FLVCR2: variants seen among roughly 807,000 people sequenced by gnomAD.
The protein encoded by FLVCR2 is choline/ethanolamine transporter FLVCR2.
A neutral mutation model predicts 48.9 loss-of-function variants in FLVCR2; 38 were observed. The ratio of observed to expected loss-of-function variants is 0.78; its 90% CI spans 0.60 to 1.02. The LOEUF (loss-of-function observed/expected upper bound fraction) is 1.02. Ranked by LOEUF, FLVCR2 falls within the 50% of genes least tolerant of loss-of-function variation. FLVCR2 has a pLI of 0.00. For synonymous variants in FLVCR2, 255 were observed against 257.0 expected (o/e 0.99, Z 0.07); for missense variants, 664 against 663.3 (o/e 1.00, Z -0.01).
chr14:75,590,180 A>G (rs971577733), intron 1 of FLVCR2, among the ~76,000 whole-genome samples: 4 of 151,912 alleles, frequency 2.6e-5, no homozygotes, highest in Non-Finnish European at 5.9e-5. Flanking sequence ...ATAACAACCC[A>G]CTCTCTTAGG....
At chr14:75,586,315 G>A (rs541109128) in intron 1 of FLVCR2, among the ~76,000 whole-genome samples, 3 of 152,340 alleles carry the variant, frequency 2.0e-5, no homozygotes, top group Non-Finnish European at 2.9e-5. Context: ...CTTCTTAAGG[G>A]TGGGGGAGAT....
intron 1 of FLVCR2, among the ~76,000 whole-genome samples, chr14:75,618,077 T>C (rs1048653460): frequency 2.0e-5 from 3 of 152,158 alleles, no homozygotes; most frequent in African/African-American, 7.2e-5. Flanking sequence ...TGCAGAACCT[T>C]GTGGGCTGTG....
In FLVCR2 at chr14:75,641,062, T is replaced by A; in HGVS notation, c.1341+2T>A. The A allele has an allele frequency of 6.2e-7, 1 of 1,608,192 alleles. No individual in the cohort carries two copies. Among genetic ancestry groups the A allele is most frequent in the Non-Finnish European group, 8.5e-7 (1 of 1,174,540 alleles). ...GGCCTCCTCAACATATCTGCACAGG[T>A]AGAGCTCGTATTTCCTGTTTGTTTC... On this transcript the variant is annotated splice_donor_variant, in intron 7 of 9. Coordinates refer to ENST00000238667, the MANE Select transcript of FLVCR2 (RefSeq NM_017791.3). LOFTEE classifies it high-confidence loss of function.
intron 1 of FLVCR2, among the ~76,000 whole-genome samples, chr14:75,582,587 T>A (rs1158440594): frequency 6.6e-6 from 1 of 152,142 alleles, no homozygotes; most frequent in Non-Finnish European, 1.5e-5. Flanking sequence ...GTCAAGTTGT[T>A]TGGACAGAAA....
chr14:75,639,956 G>A (rs1456963649), intron 6 of FLVCR2, among the ~76,000 whole-genome samples: 1 of 152,180 alleles, frequency 6.6e-6, no homozygotes, highest in Non-Finnish European at 1.5e-5. Flanking sequence ...GAAGCATTGT[G>A]AAAATGTAAG....
chr14:75,599,661 AAAG>A (rs1272732592), intron 1 of FLVCR2, among the ~76,000 whole-genome samples: 5 of 152,254 alleles, frequency 3.3e-5, no homozygotes, highest in African/African-American at 9.6e-5. Context: ...CAATCTCAAA[AAAG>A]AAGAACAGCA....
At chr14:75,620,199 T>C (rs1889728774) in intron 1 of FLVCR2, among the ~76,000 whole-genome samples, 1 of 152,142 alleles carries the variant, frequency 6.6e-6, no homozygotes, top group African/African-American at 2.4e-5. Flanking sequence ...TACCTTCAAT[T>C]AAAGTCTTGA....
chr14:75,616,153 C>A lies in FLVCR2; in HGVS notation c.670-5926C>A, dbSNP rs796537845. On this transcript the variant is annotated intron_variant, in intron 1 of 9. Transcript: ENST00000238667. ...CAGCCTAGGCAACATAGTGAGAGAC[C>A]CCAATTCCACAAAAAATTAAAAAAT... is the stretch of plus-strand genomic sequence containing the variant. Among the ~76,000 whole-genome samples, 10 of 151,284 alleles carry A rather than the reference C, an allele frequency of 6.6e-5. 1 individual carries two copies. Among genetic ancestry groups the A allele is most frequent in the African/African-American group, 2.2e-4 (9 of 41,264 alleles).
intron 1 of FLVCR2, among the ~76,000 whole-genome samples, chr14:75,598,291 C>A (rs1380777221): frequency 2.0e-5 from 3 of 152,150 alleles, no homozygotes; most frequent in Non-Finnish European, 4.4e-5. Context: ...GTCCTGAAAA[C>A]CTTAGGGTTG....
intron 1 of FLVCR2, among the ~76,000 whole-genome samples, chr14:75,607,783 A>T (rs547522698): frequency 1.3e-5 from 2 of 152,242 alleles, no homozygotes; most frequent in East Asian, 3.9e-4. Context: ...AACTCAAAAA[A>T]AAAGGGGGGC....
chr14:75,626,916 A>C (rs562193042), intron 3 of FLVCR2, among the ~76,000 whole-genome samples: 13 of 151,956 alleles, frequency 8.6e-5, no homozygotes, highest in Non-Finnish European at 1.5e-4. Context: ...GTGCTTCATA[A>C]ATATTTTCTA....
At chr14:75,609,526 G>C (rs1185211176) in intron 1 of FLVCR2, among the ~76,000 whole-genome samples, 2 of 152,128 alleles carry the variant, frequency 1.3e-5, no homozygotes, top group South Asian at 2.1e-4. Context: ...GGATCCTGAG[G>C]CAAGCTTAGT....
At chr14:75,599,090 C>T (rs28620825) in intron 1 of FLVCR2, among the ~76,000 whole-genome samples, 2,505 of 152,276 alleles carry the variant, frequency 0.016, 78 homozygotes, top group African/African-American at 0.057. Flanking sequence ...GCTAAAATAA[C>T]TTCTTTTGAC....
intron 1 of FLVCR2, among the ~76,000 whole-genome samples, chr14:75,604,852 G>A (rs1889251950): frequency 6.6e-6 from 1 of 152,158 alleles, no homozygotes; most frequent in African/African-American, 2.4e-5. Context: ...ATGGAGACTT[G>A]TGCCTCTTGA....
At chr14:75,605,692 G>A in intron 1 of FLVCR2, 1 of 1,444,864 alleles carries the variant, frequency 6.9e-7, no homozygotes. Context: ...CCTTAGGAGG[G>A]AGGAGTGTTT....
chr14:75,645,225 C>T (rs888954604), intron 9 of FLVCR2, among the ~76,000 whole-genome samples: 1 of 152,166 alleles, frequency 6.6e-6, no homozygotes, highest in Non-Finnish European at 1.5e-5. Flanking sequence ...TTACCACAAA[C>T]AGGCACTGAG....
chr14:75,631,785 C>T (rs546878638), intron 3 of FLVCR2: 8 of 455,950 alleles, frequency 1.8e-5, no homozygotes, highest in Non-Finnish European at 2.6e-5. Flanking sequence ...TGTCTCCTTA[C>T]GGGATCTCTT....
At chr14:75,598,197 G>A (rs1594795517) in intron 1 of FLVCR2, among the ~76,000 whole-genome samples, 1 of 152,048 alleles carries the variant, frequency 6.6e-6, no homozygotes, top group Non-Finnish European at 1.5e-5. Context: ...GGAAGCAGTG[G>A]GAGCTTGGGC....
intron 1 of FLVCR2, among the ~76,000 whole-genome samples, chr14:75,615,896 G>C (rs11622338): frequency 6.6e-6 from 1 of 150,994 alleles, no homozygotes; most frequent in East Asian, 1.9e-4. Context: ...ATGTGGTGGC[G>C]GGAACCTGTA....
Sources: gnomAD v4.1 joint callset for allele counts (sites outside exome capture counted in the v4.1 genomes callset) on GRCh38, gnomAD v4.1.1 for gene constraint, MANE v1.5 for transcripts, NCBI Gene and HGNC (gene_info 2026-07-23, HGNC 2026-07-21) for gene names.